Variants in AP3B1 observed in about 807,000 individuals in gnomAD.
AP3B1 encodes the protein AP-3 complex subunit beta-1.
Under a neutral mutation model 132.5 loss-of-function variants are expected in AP3B1, and 61 were observed. The observed-to-expected ratio is 0.46, with a 90% CI of 0.37 to 0.57. AP3B1 has a LOEUF of 0.57. AP3B1 is among the 20% of genes least tolerant of loss of function. AP3B1 has a pLI of 0.00. For synonymous variants in AP3B1, 388 were observed against 438.3 expected, an observed-to-expected ratio of 0.89 and a Z score of 1.43; for missense variants, 1,120 against 1,289.4, an observed-to-expected ratio of 0.87 and a Z score of 2.01.
At chr5:78,189,923 T>C (rs1002459309) in intron 7 of AP3B1, among the ~76,000 whole-genome samples, 3 of 137,592 alleles carry the variant, frequency 2.2e-5, no homozygotes, top group African/African-American at 5.6e-5. Flanking sequence ...TAAAATAAAA[T>C]AAAATAAAAT....
At chr5:78,289,420 G>A (rs1347445689) in intron 1 of AP3B1, among the ~76,000 whole-genome samples, 1 of 152,184 alleles carries the variant, frequency 6.6e-6, no homozygotes, top group Non-Finnish European at 1.5e-5. Flanking sequence ...CTGACTACAG[G>A]AAAGCATGCA....
intron 25 of AP3B1, 23 bp downstream of exon 25, chr5:78,020,669 A>G: frequency 6.5e-7 from 1 of 1,547,926 alleles, no homozygotes; most frequent in South Asian, 1.1e-5. Flanking sequence ...GTAAATTTCT[A>G]GTAAGTTGTA....
intron 17 of AP3B1, among the ~76,000 whole-genome samples, chr5:78,119,247 G>C (rs374391872): frequency 6.6e-6 from 1 of 152,114 alleles, no homozygotes; most frequent in Non-Finnish European, 1.5e-5. Flanking sequence ...GGAAAAAACA[G>C]AGCAGAGAAA....
At chr5:78,082,456 G>A (rs1324455845) in intron 22 of AP3B1, among the ~76,000 whole-genome samples, 1 of 152,004 alleles carries the variant, frequency 6.6e-6, no homozygotes, top group Non-Finnish European at 1.5e-5. Context: ...CTACAGAATA[G>A]AATTCAAACA....
chr5:78,056,604 C>T (rs1180900958), intron 22 of AP3B1, among the ~76,000 whole-genome samples: 1 of 152,118 alleles, frequency 6.6e-6, no homozygotes, highest in Non-Finnish European at 1.5e-5. Context: ...TCCCTTCCCC[C>T]GCATCTGTTT....
chr5:78,280,085 A>AG (rs1401295885), intron 1 of AP3B1, among the ~76,000 whole-genome samples: 1 of 149,604 alleles, frequency 6.7e-6, no homozygotes, highest in African/African-American at 2.4e-5. Context: ...AAAAAAAAAA[A>AG]AAAGAATATA....
chr5:78,087,283 T>A (rs1476056880), intron 22 of AP3B1, among the ~76,000 whole-genome samples: 5 of 152,170 alleles, frequency 3.3e-5, no homozygotes, highest in Admixed American at 2.6e-4. Flanking sequence ...GGGTTTTCTT[T>A]ATTTTCCTCT....
At chr5:78,071,128 AT>A (rs1251582030) in intron 22 of AP3B1, among the ~76,000 whole-genome samples, 5 of 152,232 alleles carry the variant, frequency 3.3e-5, no homozygotes, top group Non-Finnish European at 7.3e-5. Context: ...TTGCAGCACT[AT>A]TCACAACAAC....
At chr5:78,247,481 G>A (rs1464733186) in intron 2 of AP3B1, among the ~76,000 whole-genome samples, 1 of 149,720 alleles carries the variant, frequency 6.7e-6, no homozygotes, top group African/African-American at 2.4e-5. Flanking sequence ...TTGTGAATTT[G>A]TCAATCTTTC....
chr5:78,096,995 CT>C, intron 21 of AP3B1, among the ~76,000 whole-genome samples: 1 of 142,456 alleles, frequency 7.0e-6, no homozygotes. Flanking sequence ...GCCAGCCGCC[CT>C]GTCCGGGAGG....
At chr5:78,062,310 C>T (rs772543486) in intron 22 of AP3B1, among the ~76,000 whole-genome samples, 1 of 152,094 alleles carries the variant, frequency 6.6e-6, no homozygotes, top group African/African-American at 2.4e-5. Flanking sequence ...ATTCCTTCTG[C>T]CAAGTGATTT....
intron 1 of AP3B1, among the ~76,000 whole-genome samples, chr5:78,273,974 A>T (rs2112571608): frequency 6.6e-6 from 1 of 151,054 alleles, no homozygotes; most frequent in Admixed American, 6.6e-5. Flanking sequence ...TCTGATCAAA[A>T]CTTACGAGAC....
chr5:78,270,876 G>C (rs1224430755), intron 1 of AP3B1, among the ~76,000 whole-genome samples: 2 of 152,084 alleles, frequency 1.3e-5, no homozygotes, highest in Non-Finnish European at 2.9e-5. Context: ...TGATTCTGTA[G>C]CTCTATTCTC....
At chr5:78,113,956 T>C (rs369555456) in intron 18 of AP3B1, 33 bp from the exon 19 acceptor site, 30 of 1,606,834 alleles carry the variant, frequency 1.9e-5, no homozygotes, top group Middle Eastern at 3.3e-4. Flanking sequence ...CTTAGATTTA[T>C]AGTCATTTAA....
intron 7 of AP3B1, among the ~76,000 whole-genome samples, chr5:78,181,986 T>C (rs1347573540): frequency 1.3e-5 from 2 of 152,204 alleles, no homozygotes; most frequent in African/African-American, 4.8e-5. Context: ...AGGCCTATAA[T>C]ACTACCTAAA....
chr5:78,162,579 G>T (rs1743429580), intron 13 of AP3B1, among the ~76,000 whole-genome samples: 1 of 151,820 alleles, frequency 6.6e-6, no homozygotes, highest in Non-Finnish European at 1.5e-5. Flanking sequence ...AATTTTCTTA[G>T]ATCTGTTGCG....
At chr5:78,163,652 TACAC>T (rs927773026) in intron 12 of AP3B1, among the ~76,000 whole-genome samples, 5 of 144,836 alleles carry the variant, frequency 3.5e-5, no homozygotes, top group African/African-American at 5.0e-5. Flanking sequence ...TATATATATA[TACAC>T]ACACACACAT....
At position 78,002,597 on chromosome 5, in the gene AP3B1, G is replaced by A. The variant is rs773135696; in HGVS notation, c.*305C>T. On this transcript the variant is annotated 3_prime_UTR_variant, in exon 27 of 27. Coordinates refer to ENST00000255194, the MANE Select transcript of AP3B1 (RefSeq NM_003664.5). ...TATCTCATTCATGTCTACCATTGTCGAAAAAGAGAAGGAAAACGAGGAGGC... is the reference window on the plus strand; with the variant it reads ...TATCTCATTCATGTCTACCATTGTCAAAAAAGAGAAGGAAAACGAGGAGGC... The A allele has an allele frequency of 1.6e-5, 9 of 570,130 alleles. No individual in the cohort carries two copies. Among genetic ancestry groups the A allele is most frequent in the Non-Finnish European group, 2.5e-5 (8 of 322,474 alleles). The allele number at this position is 570,130 out of a possible 1,614,324, so 35.3% of individuals were successfully genotyped here.
intron 13 of AP3B1, among the ~76,000 whole-genome samples, chr5:78,160,210 A>G (rs1743334006): frequency 6.6e-6 from 1 of 152,210 alleles, no homozygotes; most frequent in Non-Finnish European, 1.5e-5. Context: ...TATATTCAAC[A>G]TTTATTAAAC....
Sources: gnomAD v4.1 joint callset for allele counts (sites outside exome capture counted in the v4.1 genomes callset) on GRCh38, gnomAD v4.1.1 for gene constraint, MANE v1.5 for transcripts, NCBI Gene and HGNC (gene_info 2026-07-23, HGNC 2026-07-21) for gene names.